The following SNX29 variants were observed in gnomAD, a reference collection of about 807,000 sequenced individuals.
The protein encoded by SNX29 is sorting nexin 29, also known as sorting nexin-29.
In SNX29, 78 loss-of-function variants were observed where a neutral mutation model predicts 102.1. The observed-to-expected ratio is 0.76, with a 90% CI of 0.64 to 0.92. SNX29 has a LOEUF of 0.92. Among genes scored for constraint, SNX29 ranks in the 40% least tolerant of loss-of-function variants. SNX29 has a pLI of 0.00. For missense variants in SNX29, 1,280 were observed against 1,061.7 expected (o/e 1.21, Z -2.86); for synonymous variants, 580 against 414.5 (o/e 1.40, Z -4.85).
intron 18 of SNX29, among the ~76,000 whole-genome samples, chr16:12,417,618 C>T (rs923175995): frequency 6.6e-6 from 1 of 152,010 alleles, no homozygotes; most frequent in Non-Finnish European, 1.5e-5. Flanking sequence ...CATTCCTTTT[C>T]CCTGTTCCTT....
rs531043088 is a variant in SNX29 at position 12,567,912 on chromosome 16, C to G, written c.2319-594C>G. On this transcript the variant is annotated intron_variant, in intron 20 of 20. Transcript: ENST00000566228. ...ACAACCCAGACCCATGCCCTGGGAC[C>G]CACACACGCTGTGTGTTCGCGTTGC... Among the ~76,000 whole-genome samples the G allele has an allele frequency of 7.2e-5, 11 of 152,298 alleles. No homozygotes were observed. The East Asian group carries it at 1.9e-3, about 27-fold the overall frequency.
chr16:12,570,216 C>T lies in SNX29; in HGVS notation c.*1587C>T. The T allele has an allele frequency of 9.4e-7, 1 of 1,065,202 alleles. No homozygotes were observed. Among genetic ancestry groups the T allele is most frequent in the Non-Finnish European group, 1.1e-6 (1 of 879,196 alleles). The allele number at this position is 1,065,202 out of a possible 1,614,324, so 66.0% of individuals were successfully genotyped here. On this transcript the variant is annotated 3_prime_UTR_variant, in exon 21 of 21. Coordinates refer to ENST00000566228, the MANE Select transcript of SNX29 (RefSeq NM_032167.5). ...CATGACTTCCAAGGGGACCTGGGGC[C>T]AGATAAGCCCTGCCCCGGTGAGACC...
At chr16:12,293,750 C>A (rs144372078) in intron 15 of SNX29, among the ~76,000 whole-genome samples, 107 of 152,294 alleles carry the variant, frequency 7.0e-4, no homozygotes, top group African/African-American at 2.4e-3. Context: ...TACAAAGGAT[C>A]TTTTTTATCA....
At chr16:12,355,989 T>C (rs1370066248) in intron 15 of SNX29, among the ~76,000 whole-genome samples, 174 bp from the exon 16 acceptor site, 1 of 151,842 alleles carries the variant, frequency 6.6e-6, no homozygotes, top group Non-Finnish European at 1.5e-5. Context: ...TCAAGACACA[T>C]TGAGCTTATG....
Position 12,559,576 on chromosome 16 carries a change from C to A in SNX29, c.2319-8930C>A, listed in dbSNP as rs187694322. Among the ~76,000 whole-genome samples, 445 of 152,068 alleles carry A rather than the reference C, an allele frequency of 2.9e-3. 2 individuals carry two copies. Among genetic ancestry groups the A allele is most frequent in the African/African-American group, 0.01 (422 of 41,406 alleles). On this transcript the variant is annotated intron_variant, in intron 20 of 20. Coordinates refer to ENST00000566228, the MANE Select transcript of SNX29 (RefSeq NM_032167.5). Reference sequence around the variant, plus strand: ...TGGAAAATTTTTCTTATACATAACTCATCCCTGGTGCCAAAAAGGTTGGGG... The same window carrying A: ...TGGAAAATTTTTCTTATACATAACTAATCCCTGGTGCCAAAAAGGTTGGGG...
At chr16:12,505,263 C>G (rs1029530181) in intron 19 of SNX29, among the ~76,000 whole-genome samples, 1 of 152,132 alleles carries the variant, frequency 6.6e-6, no homozygotes, top group Non-Finnish European at 1.5e-5. Flanking sequence ...ATATCACAAA[C>G]TGGGTGGTTT....
At chr16:12,462,014 T>TCACACACACACACAC (rs1374785171) in intron 18 of SNX29, among the ~76,000 whole-genome samples, 1 of 59,436 alleles carries the variant, frequency 1.7e-5, no homozygotes, top group East Asian at 6.9e-4. Context: ...TATATATATG[T>TCACACACACACACAC]ATACACACAC....
chr16:12,479,673 C>T (rs987671941), intron 19 of SNX29, among the ~76,000 whole-genome samples: 3 of 152,202 alleles, frequency 2.0e-5, no homozygotes, highest in Non-Finnish European at 4.4e-5. Context: ...CCCATAGGCT[C>T]ATACAAATCT....
Position 12,139,979 on chromosome 16 carries a change from T to TGAAAAAAAAAAAA in SNX29, c.1595+10221_1595+10222insGAAAAAAAAAAAA, listed in dbSNP as rs144110763. ...CTGGGAGACAGAGAGATACCCTGTC[T>TGAAAAAAAAAAAA]CAAAAAAAAAAAAAAAAAAAAAAAA... On this transcript the variant is annotated intron_variant, in intron 13 of 20. Coordinates refer to ENST00000566228, the MANE Select transcript of SNX29 (RefSeq NM_032167.5). Among the ~76,000 whole-genome samples the TGAAAAAAAAAAAA allele has an allele frequency of 3.2e-5, 2 of 63,070 alleles. 1 individual carries two copies. The allele number at this position is 63,070 out of a possible 152,430, so 41.4% of individuals were successfully genotyped here. A position where few individuals can be genotyped will look rare whatever the true frequency, so the allele number is the denominator to read the frequency against.
At chr16:12,156,078 C>T (rs1402103492) in intron 13 of SNX29, among the ~76,000 whole-genome samples, 4 of 152,216 alleles carry the variant, frequency 2.6e-5, no homozygotes, top group African/African-American at 9.6e-5. Context: ...GCACACCCCC[C>T]CACATCTCCT....
At chr16:12,025,039 T>C (rs538593376) in intron 3 of SNX29, among the ~76,000 whole-genome samples, 7 of 152,006 alleles carry the variant, frequency 4.6e-5, no homozygotes, top group Non-Finnish European at 7.4e-5. Flanking sequence ...CAATGGTTCA[T>C]TCCTGTAATC....
At position 12,471,570 on chromosome 16, in the gene SNX29, C is replaced by T. The variant is rs1037682558; in HGVS notation, c.2038-6149C>T. Among the ~76,000 whole-genome samples, 13 of 152,340 alleles carry T rather than the reference C, an allele frequency of 8.5e-5. No individual in the cohort carries two copies. The East Asian group carries it at 2.1e-3, about 25-fold the overall frequency. ...GACGTATGACGATGTGTCAGGTCCACGTGGATGTGTACCCACAGAGCCTTG... is the reference window on the plus strand; with the variant it reads ...GACGTATGACGATGTGTCAGGTCCATGTGGATGTGTACCCACAGAGCCTTG... On this transcript the variant is annotated intron_variant, in intron 18 of 20. Coordinates refer to ENST00000566228, the MANE Select transcript of SNX29 (RefSeq NM_032167.5).
In SNX29 at chr16:12,234,235, A is replaced by G. The variant is rs117259675; in HGVS notation, c.1678+34552A>G. 2.7e-3 allele frequency among the ~76,000 whole-genome samples: 414 copies of G among 152,268 alleles called. 2 individuals carry two copies. The highest frequency in any genetic ancestry group is 4.4e-3 in the Non-Finnish European group (302 of 68,018). ...TGTCTGTCTTTTTTTTATTGTAGCC[A>G]TCGAGTGGATGTGAAGTGGCACCTT... On this transcript the variant is annotated intron_variant, in intron 14 of 20. Transcript: ENST00000566228.
chr16:12,572,748 T>TG lies in SNX29; in HGVS notation c.*4119_*4120insG. ...CTGATGGCAAAGGAAGGGCTGGGTT[T>TG]TCAGCTTCTGGGACCCGAGGAAGAC... On this transcript the variant is annotated 3_prime_UTR_variant, in exon 21 of 21. Coordinates refer to ENST00000566228, the MANE Select transcript of SNX29 (RefSeq NM_032167.5). 1 of 1,064,082 alleles carries TG rather than the reference T, an allele frequency of 9.4e-7. No individual in the cohort carries two copies. Among genetic ancestry groups the TG allele is most frequent in the Non-Finnish European group, 1.1e-6 (1 of 878,552 alleles). 65.9% of individuals were successfully genotyped at this position (1,064,082 alleles called of 1,614,324 possible). A position where few individuals can be genotyped will look rare whatever the true frequency, so the allele number is the denominator to read the frequency against.
chr16:12,395,490 C>T (rs927278271), intron 16 of SNX29, among the ~76,000 whole-genome samples: 6 of 152,226 alleles, frequency 3.9e-5, no homozygotes, highest in South Asian at 4.1e-4. Context: ...ATCCTGGCTG[C>T]TCTGTTGCTC....
At chr16:12,388,002 A>G (rs1395546837) in intron 16 of SNX29, among the ~76,000 whole-genome samples, 1 of 152,190 alleles carries the variant, frequency 6.6e-6, no homozygotes, top group African/African-American at 2.4e-5. Context: ...TTGTGCTTAT[A>G]ATGTTAAAAA....
At chr16:12,215,700 A>C (rs1204455804) in intron 14 of SNX29, among the ~76,000 whole-genome samples, 1 of 152,234 alleles carries the variant, frequency 6.6e-6, no homozygotes, top group Non-Finnish European at 1.5e-5. Flanking sequence ...TGCTGTACCC[A>C]GAATTCCTCA....
At chr16:12,444,842 G>GTTTTTTTTTT (rs34218008) in intron 18 of SNX29, among the ~76,000 whole-genome samples, 1 of 132,606 alleles carries the variant, frequency 7.5e-6, no homozygotes, top group Non-Finnish European at 1.6e-5. Context: ...GTTTTTTTTT[G>GTTTTTTTTTT]TTTTTTTTTT....
At position 12,198,449 on chromosome 16, in the gene SNX29, A is replaced by G. The variant is rs190370570; in HGVS notation, c.1596-1152A>G. Among the ~76,000 whole-genome samples the G allele has an allele frequency of 1.8e-3, 271 of 152,270 alleles. 1 individual carries two copies. Among genetic ancestry groups the G allele is most frequent in the African/African-American group, 6.2e-3 (257 of 41,512 alleles). On this transcript the variant is annotated intron_variant, in intron 13 of 20. Coordinates refer to ENST00000566228, the MANE Select transcript of SNX29 (RefSeq NM_032167.5). Reference sequence around the variant, plus strand: ...ATGTGTTCTGATGGAGTATTTTGCAATGAGCATTTTTTATTTTTATAATCA... The same window carrying G: ...ATGTGTTCTGATGGAGTATTTTGCAGTGAGCATTTTTTATTTTTATAATCA...
Sources: allele counts gnomAD v4.1 joint callset (sites outside exome capture counted in the v4.1 genomes callset), GRCh38; gene constraint gnomAD v4.1.1; transcripts MANE v1.5; gene names NCBI Gene and HGNC (gene_info 2026-07-23, HGNC 2026-07-21).